Variants in NCKAP5 observed in about 807,000 individuals in gnomAD.
The protein encoded by NCKAP5 is NCK associated protein 5.
In NCKAP5, 92 loss-of-function variants were observed where a neutral mutation model predicts 167.0. That is an observed-to-expected ratio of 0.55 (90% confidence interval 0.47 to 0.66). NCKAP5 has a LOEUF of 0.66. Ranked by LOEUF, NCKAP5 falls within the 30% of genes least tolerant of loss-of-function variation. NCKAP5 has a pLI of 0.00. For synonymous variants in NCKAP5, 891 were observed against 877.4 expected (o/e 1.02, Z -0.27); for missense variants, 2,378 against 2,315.0 (o/e 1.03, Z -0.56).
intron 11 of NCKAP5, among the ~76,000 whole-genome samples, chr2:132,858,616 C>G (rs1341187692): frequency 1.3e-5 from 2 of 152,162 alleles, no homozygotes; most frequent in African/African-American, 4.8e-5. Context: ...AGGTATCACA[C>G]TTTATATCAT....
chr2:133,651,696 G>T, the NCKAP5 span, among the ~76,000 whole-genome samples: 2 of 152,166 alleles, frequency 1.3e-5, no homozygotes, highest in African/African-American at 4.8e-5. Context: ...ATCTCAAAGA[G>T]ATATTAGCAG....
At chr2:132,843,416 T>C (rs2105436531) in intron 11 of NCKAP5, among the ~76,000 whole-genome samples, 1 of 152,244 alleles carries the variant, frequency 6.6e-6, no homozygotes, top group African/African-American at 2.4e-5. Flanking sequence ...TTTTTATTTA[T>C]GACTTGTAAA....
At chr2:133,097,480 T>A (rs1325591965) in intron 6 of NCKAP5, among the ~76,000 whole-genome samples, 1 of 152,208 alleles carries the variant, frequency 6.6e-6, no homozygotes, top group Non-Finnish European at 1.5e-5. Context: ...CAGCCTCTGA[T>A]GAAATGCAAG....
chr2:133,182,489 C>T (rs985735283), intron 5 of NCKAP5, among the ~76,000 whole-genome samples: 5 of 152,068 alleles, frequency 3.3e-5, no homozygotes, highest in South Asian at 2.1e-4. Context: ...AGTAAAATAT[C>T]CAAACACTTG....
rs539189490 is a variant in NCKAP5, at chr2:133,160,136, T to C, written c.208-30025A>G. 2.0e-4 allele frequency among the ~76,000 whole-genome samples: 31 copies of C among 152,262 alleles called. 1 individual carries two copies. In the South Asian group the frequency reaches 6.4e-3, roughly 32 times the overall value. On this transcript the variant is annotated intron_variant, in intron 5 of 19. Transcript: ENST00000409261. ...TGGGTGACATAGAACAATAGAAATG[T>C]ATTATCTCACAGTCCTGGAGGCCAG...
intron 6 of NCKAP5, among the ~76,000 whole-genome samples, chr2:133,095,372 C>G (rs1347742223): frequency 6.6e-6 from 1 of 152,180 alleles, no homozygotes; most frequent in African/African-American, 2.4e-5. Flanking sequence ...TTGTTATTTT[C>G]CTGCTCTTAG....
At chr2:133,073,324 G>GA (rs996440115) in intron 6 of NCKAP5, among the ~76,000 whole-genome samples, 3 of 151,810 alleles carry the variant, frequency 2.0e-5, no homozygotes, top group African/African-American at 4.8e-5. Context: ...GTTGCAAAAA[G>GA]AAAAAAACTA....
intron 3 of NCKAP5, among the ~76,000 whole-genome samples, chr2:133,317,087 G>T (rs1416035311): frequency 6.6e-6 from 1 of 152,144 alleles, no homozygotes; most frequent in East Asian, 1.9e-4. Context: ...CGCCTGAAGA[G>T]ACCTTCTCAG....
At chr2:132,935,707 C>T (rs1696790694) in intron 8 of NCKAP5, among the ~76,000 whole-genome samples, 1 of 152,124 alleles carries the variant, frequency 6.6e-6, no homozygotes, top group Admixed American at 6.5e-5. Flanking sequence ...GGAGGAGAAG[C>T]AGATACAGGT....
chr2:132,723,240 G>A (rs1278179745), intron 19 of NCKAP5, among the ~76,000 whole-genome samples: 1 of 149,018 alleles, frequency 6.7e-6, no homozygotes, highest in East Asian at 2.0e-4. Context: ...CCACCTCCCA[G>A]GTTCATGCCA....
intron 6 of NCKAP5, among the ~76,000 whole-genome samples, chr2:133,085,492 C>T (rs1297631120): frequency 1.3e-5 from 2 of 152,032 alleles, no homozygotes; most frequent in South Asian, 2.1e-4. Flanking sequence ...TTTAACAGTG[C>T]TTATTTCTGG....
chr2:133,629,055 A>AG, the NCKAP5 span, among the ~76,000 whole-genome samples: 75 of 152,378 alleles, frequency 4.9e-4, no homozygotes, highest in Non-Finnish European at 8.2e-4. Context: ...TCTAGGCAAT[A>AG]CCATTCAGGA....
chr2:132,935,783 G>T (rs941768989), intron 8 of NCKAP5, among the ~76,000 whole-genome samples: 1 of 152,084 alleles, frequency 6.6e-6, no homozygotes. Flanking sequence ...AGTGAAGATG[G>T]AGTAGAGAGG....
the NCKAP5 span, among the ~76,000 whole-genome samples, chr2:133,629,502 GA>G: frequency 6.6e-6 from 1 of 152,114 alleles, no homozygotes; most frequent in African/African-American, 2.4e-5. Context: ...AAGCTGTGGA[GA>G]AATAGGAATG....
intron 10 of NCKAP5, among the ~76,000 whole-genome samples, chr2:132,862,920 C>T (rs1690043406): frequency 6.6e-6 from 1 of 152,130 alleles, no homozygotes; most frequent in South Asian, 2.1e-4. Context: ...CTCCCGGGTT[C>T]AGGCGATTCT....
At chr2:133,625,284 A>G in the NCKAP5 span, among the ~76,000 whole-genome samples, 1 of 152,290 alleles carries the variant, frequency 6.6e-6, no homozygotes, top group East Asian at 1.9e-4. Context: ...TTCAAGACAT[A>G]TTTTATCTTT....
chr2:133,256,835 C>T (rs1446081146), intron 4 of NCKAP5, among the ~76,000 whole-genome samples: 2 of 152,132 alleles, frequency 1.3e-5, no homozygotes, highest in Non-Finnish European at 2.9e-5. Flanking sequence ...GGCTGCAGCC[C>T]TCATCCTCTG....
chr2:133,296,934 C>T (rs1399559215), intron 4 of NCKAP5, among the ~76,000 whole-genome samples: 1 of 152,084 alleles, frequency 6.6e-6, no homozygotes, highest in East Asian at 1.9e-4. Context: ...ATTCTAAACT[C>T]TTAATATGAG....
chr2:133,247,504 C>A (rs2088059160), intron 4 of NCKAP5, among the ~76,000 whole-genome samples: 1 of 152,178 alleles, frequency 6.6e-6, no homozygotes. Context: ...TTTCCACCCC[C>A]ACCACTTTAA....
Sources: gnomAD v4.1 joint callset for allele counts (sites outside exome capture counted in the v4.1 genomes callset) on GRCh38, gnomAD v4.1.1 for gene constraint, MANE v1.5 for transcripts, NCBI Gene and HGNC (gene_info 2026-07-23, HGNC 2026-07-21) for gene names.